IQCJ: variants seen among roughly 807,000 people sequenced by gnomAD.
IQCJ encodes the protein IQ domain-containing protein J.
Under a neutral mutation model 11.0 loss-of-function variants are expected in IQCJ, and 9 were observed. That is an observed-to-expected ratio of 0.82 (90% CI 0.49 to 1.43). The LOEUF (loss-of-function observed/expected upper bound fraction) is 1.43. IQCJ is among the 40% of genes most tolerant of loss of function. The pLI is 0.00. For synonymous variants in IQCJ, 55 were observed against 51.3 expected (o/e 1.07, Z -0.31); for missense variants, 146 against 133.2 (o/e 1.10, Z -0.47).
chr3:159,102,210 C>G (rs1181569420), intron 1 of IQCJ, among the ~76,000 whole-genome samples: 1 of 152,212 alleles, frequency 6.6e-6, no homozygotes, highest in East Asian at 1.9e-4. Flanking sequence ...GTACTCTAAT[C>G]TGAAAGCAGA....
chr3:159,234,080 T>C (rs1726431201), intron 1 of IQCJ, among the ~76,000 whole-genome samples: 1 of 152,176 alleles, frequency 6.6e-6, no homozygotes, highest in African/African-American at 2.4e-5. Context: ...AGAGTGCAGA[T>C]GATACAGTTT....
chr3:159,116,955 G>T (rs1281171588), intron 1 of IQCJ, among the ~76,000 whole-genome samples: 2 of 152,098 alleles, frequency 1.3e-5, no homozygotes. Flanking sequence ...TGGGGTGAAT[G>T]GAGGTAGGGA....
chr3:159,246,043 G>C (rs1465926623), intron 2 of IQCJ, 136 bp downstream of exon 2: 3 of 637,028 alleles, frequency 4.7e-6, no homozygotes, highest in Non-Finnish European at 7.9e-6. Context: ...CAGAAATGTG[G>C]CTCATTTGAG....
rs539375682 is a variant in IQCJ at position 159,093,174 on chromosome 3, G to A, written c.9+23733G>A. On this transcript the variant is annotated intron_variant, in intron 1 of 3. Transcript: ENST00000397832. ...TTCAGAATCTTCTACTCACATCTCA[G>A]TCAGCAGGTGTAGGTTAGCATATAA... 1.8e-4 allele frequency among the ~76,000 whole-genome samples: 27 copies of A among 151,926 alleles called. 2 individuals are homozygous for A. The highest frequency in any genetic ancestry group is 5.6e-4 in the African/African-American group (23 of 41,214).
intron 1 of IQCJ, among the ~76,000 whole-genome samples, chr3:159,194,196 G>T (rs995683815): frequency 5.3e-5 from 8 of 152,182 alleles, no homozygotes; most frequent in South Asian, 2.1e-4. Flanking sequence ...ATATGAAATT[G>T]ATGAAAATTG....
chr3:159,233,097 CTT>C (rs573578771), intron 1 of IQCJ, among the ~76,000 whole-genome samples: 67 of 152,288 alleles, frequency 4.4e-4, no homozygotes, highest in African/African-American at 1.3e-3. Flanking sequence ...AAAAGACTCT[CTT>C]ATCGATTTTT....
intron 1 of IQCJ, among the ~76,000 whole-genome samples, chr3:159,113,959 AC>A (rs1244332263): frequency 6.6e-6 from 1 of 152,216 alleles, no homozygotes; most frequent in East Asian, 1.9e-4. Context: ...AAGTCAAAGA[AC>A]AGTTCTAGTG....
intron 1 of IQCJ, among the ~76,000 whole-genome samples, chr3:159,111,203 T>C (rs1255753795): frequency 6.6e-6 from 1 of 152,198 alleles, no homozygotes; most frequent in East Asian, 1.9e-4. Flanking sequence ...TGTCTTCTAA[T>C]CTTTTACCAG....
chr3:159,069,557 G>A, intron 1 of IQCJ, 116 bp downstream of exon 1: 1 of 1,431,090 alleles, frequency 7.0e-7, no homozygotes, highest in Admixed American at 2.4e-5. Flanking sequence ...GTCAAAAAGA[G>A]CTTATAGAAC....
chr3:159,103,647 G>A (rs922241234), intron 1 of IQCJ, among the ~76,000 whole-genome samples: 1 of 152,190 alleles, frequency 6.6e-6, no homozygotes, highest in Non-Finnish European at 1.5e-5. Flanking sequence ...ATTCCATAAT[G>A]TGGATATTTC....
intron 1 of IQCJ, among the ~76,000 whole-genome samples, chr3:159,121,332 G>A (rs937346638): frequency 1.3e-5 from 2 of 151,874 alleles, no homozygotes; most frequent in Non-Finnish European, 2.9e-5. Flanking sequence ...ACTGGGTCTT[G>A]CCATGTTGCC....
chr3:159,164,770 C>A (rs893143844), intron 1 of IQCJ, among the ~76,000 whole-genome samples: 1 of 151,954 alleles, frequency 6.6e-6, no homozygotes, highest in Non-Finnish European at 1.5e-5. Flanking sequence ...TCCATCCCCT[C>A]CCCCCCAAAA....
At chr3:159,159,136 G>T (rs573223190) in intron 1 of IQCJ, among the ~76,000 whole-genome samples, 1 of 152,310 alleles carries the variant, frequency 6.6e-6, no homozygotes, top group Admixed American at 6.5e-5. Context: ...GGTGTGCTGA[G>T]TAAGCTAAGA....
At chr3:159,211,411 G>C (rs1486396612) in intron 1 of IQCJ, among the ~76,000 whole-genome samples, 3 of 152,208 alleles carry the variant, frequency 2.0e-5, no homozygotes, top group African/African-American at 7.2e-5. Context: ...GCTGAGGAAA[G>C]CTTCAGTTTA....
chr3:159,151,971 G>C (rs890996143), intron 1 of IQCJ, among the ~76,000 whole-genome samples: 1 of 152,160 alleles, frequency 6.6e-6, no homozygotes, highest in Admixed American at 6.5e-5. Flanking sequence ...CTAAATATCA[G>C]ATTCAATTCT....
intron 1 of IQCJ, among the ~76,000 whole-genome samples, chr3:159,192,361 C>T (rs1723739777): frequency 6.6e-6 from 1 of 152,142 alleles, no homozygotes; most frequent in Non-Finnish European, 1.5e-5. Flanking sequence ...TATCCTGGTG[C>T]TATAGGTCCA....
chr3:159,137,782 C>T (rs185098459), intron 1 of IQCJ, among the ~76,000 whole-genome samples: 1 of 152,254 alleles, frequency 6.6e-6, no homozygotes, highest in Admixed American at 6.5e-5. Flanking sequence ...ATCTCTAATG[C>T]TCTCACTATA....
At chr3:159,119,011 GATGGCT>G (rs141753576) in intron 1 of IQCJ, among the ~76,000 whole-genome samples, 4,519 of 152,256 alleles carry the variant, frequency 0.03, 293 homozygotes, top group East Asian at 0.24. Context: ...TCAGAGACTT[GATGGCT>G]ATATTTACTC....
chr3:159,244,622 T>C (rs1727138328), intron 1 of IQCJ, among the ~76,000 whole-genome samples: 1 of 152,266 alleles, frequency 6.6e-6, no homozygotes, highest in African/African-American at 2.4e-5. Context: ...TCAAAGAAGT[T>C]GGGGAGATAC....
Sources: allele counts gnomAD v4.1 joint callset (sites outside exome capture counted in the v4.1 genomes callset), GRCh38; gene constraint gnomAD v4.1.1; transcripts MANE v1.5; gene names NCBI Gene and HGNC (gene_info 2026-07-23, HGNC 2026-07-21).